Variants in TENM4 observed in about 807,000 individuals in gnomAD.
The protein encoded by TENM4 is teneurin-4.
Under a neutral mutation model 243.3 loss-of-function variants are expected in TENM4, and 82 were observed. The observed-to-expected ratio is 0.34, with a 90% CI of 0.28 to 0.40. TENM4 has a LOEUF of 0.40. Among genes scored for constraint, TENM4 ranks in the 10% least tolerant of loss-of-function variants. The probability of loss-of-function intolerance (pLI) is 1.00; values close to 1 mark genes in which losing one functional copy is unlikely to be tolerated. For synonymous variants in TENM4, 1,412 were observed against 1,456.3 expected, an observed-to-expected ratio of 0.97 and a Z score of 0.69; for missense variants, 3,138 against 3,673.3, an observed-to-expected ratio of 0.85 and a Z score of 3.77.
intron 3 of TENM4, among the ~76,000 whole-genome samples, chr11:79,183,852 TAAC>T (rs1346606961): frequency 6.6e-6 from 1 of 151,972 alleles, no homozygotes; most frequent in African/African-American, 2.4e-5. Flanking sequence ...AAACAGAAAA[TAAC>T]AAGCATTGGC....
intron 6 of TENM4, among the ~76,000 whole-genome samples, chr11:79,029,155 C>G (rs1191107916): frequency 1.3e-5 from 2 of 152,222 alleles, no homozygotes; most frequent in African/African-American, 4.8e-5. Context: ...AGAATACTCT[C>G]ATCGCAGTTT....
At chr11:79,052,635 C>T (rs941148406) in intron 6 of TENM4, among the ~76,000 whole-genome samples, 1 of 151,958 alleles carries the variant, frequency 6.6e-6, no homozygotes, top group South Asian at 2.1e-4. Context: ...GGGGATGTGG[C>T]GAGGGAGGGA....
intron 3 of TENM4, among the ~76,000 whole-genome samples, chr11:79,204,103 G>C (rs189613502): frequency 2.0e-5 from 3 of 152,182 alleles, no homozygotes; most frequent in African/African-American, 4.8e-5. Flanking sequence ...TGGTGCAGGG[G>C]GTGGAGGCAT....
chr11:78,721,862 C>T (rs941048467), intron 24 of TENM4, among the ~76,000 whole-genome samples: 1 of 152,140 alleles, frequency 6.6e-6, no homozygotes, highest in Non-Finnish European at 1.5e-5. Context: ...ATCTCTAAAG[C>T]ACAGCTCTTC....
At chr11:79,370,114 T>C (rs1401534056) in intron 1 of TENM4, among the ~76,000 whole-genome samples, 2 of 152,204 alleles carry the variant, frequency 1.3e-5, no homozygotes, top group African/African-American at 4.8e-5. Context: ...GTAGGAGTGA[T>C]GTGTTCAAGG....
intron 6 of TENM4, among the ~76,000 whole-genome samples, chr11:78,939,441 A>G (rs1274215313): frequency 6.6e-6 from 1 of 152,206 alleles, no homozygotes; most frequent in Non-Finnish European, 1.5e-5. Flanking sequence ...CAATTTCACA[A>G]CAATGTCTTG....
intron 1 of TENM4, among the ~76,000 whole-genome samples, chr11:79,417,447 C>G (rs1413544471): frequency 6.6e-6 from 1 of 152,122 alleles, no homozygotes; most frequent in African/African-American, 2.4e-5. Context: ...AAATACCAAC[C>G]ACAAGAGTGG....
intron 4 of TENM4, among the ~76,000 whole-genome samples, chr11:79,113,677 G>T (rs1312410934): frequency 6.6e-6 from 1 of 152,018 alleles, no homozygotes; most frequent in Non-Finnish European, 1.5e-5. Flanking sequence ...CAACAAAATG[G>T]CAATTCTCAA....
intron 1 of TENM4, among the ~76,000 whole-genome samples, chr11:79,377,874 T>TA (rs147419519): frequency 1.1e-4 from 16 of 151,990 alleles, no homozygotes; most frequent in South Asian, 4.2e-4. Flanking sequence ...AAAATACAAT[T>TA]AAAAAAAATA....
chr11:79,200,874 T>C (rs929370243), intron 3 of TENM4, among the ~76,000 whole-genome samples: 1 of 152,206 alleles, frequency 6.6e-6, no homozygotes, highest in African/African-American at 2.4e-5. Context: ...ACTCATACTC[T>C]GGTTGCCTTA....
Position 78,701,942 on chromosome 11 carries a change from G to A in TENM4, c.4671C>T (p.Asn1557=). 6.2e-7 allele frequency: 1 copy of A among 1,614,004 alleles called. No individual in the cohort carries two copies. The highest frequency in any genetic ancestry group is 8.5e-7 in the Non-Finnish European group (1 of 1,179,906). ...DGELYVADLG[N]IRIRFIRKNK... ...TCTTCCGGATAAACCGAATTCGGAT[G>A]TTCCCAAGGTCGGCCACGTAGAGCT... Residue 1557 remains asparagine, a synonymous_variant, in exon 28 of 34, where the codon AAC becomes AAT. Coordinates refer to ENST00000278550, the MANE Select transcript of TENM4 (RefSeq NM_001098816.3).
At chr11:79,431,330 A>C (rs1242392635) in intron 1 of TENM4, among the ~76,000 whole-genome samples, 1 of 152,224 alleles carries the variant, frequency 6.6e-6, no homozygotes, top group Non-Finnish European at 1.5e-5. Context: ...TTCCGCTGCT[A>C]GGCTTGGCCA....
chr11:78,815,184 G>A (rs1388072337), intron 12 of TENM4, among the ~76,000 whole-genome samples: 2 of 152,156 alleles, frequency 1.3e-5, no homozygotes, highest in African/African-American at 4.8e-5. Flanking sequence ...TCAGAAGTTT[G>A]AGACCAGCCT....
At chr11:79,176,382 C>T (rs1863160372) in intron 3 of TENM4, among the ~76,000 whole-genome samples, 1 of 152,174 alleles carries the variant, frequency 6.6e-6, no homozygotes, top group Non-Finnish European at 1.5e-5. Context: ...CACACTGAAT[C>T]TGTTGCCTGA....
intron 20 of TENM4, among the ~76,000 whole-genome samples, chr11:78,737,845 G>A (rs184610497): frequency 9.9e-5 from 15 of 152,254 alleles, no homozygotes; most frequent in African/African-American, 3.4e-4. Context: ...CGTACTATGC[G>A]CCAGGTGCTT....
At chr11:78,703,548 G>T (rs941640977) in intron 27 of TENM4, among the ~76,000 whole-genome samples, 7 of 152,150 alleles carry the variant, frequency 4.6e-5, no homozygotes, top group African/African-American at 1.7e-4. Flanking sequence ...GCACCCAGGG[G>T]ATTGTAGCTG....
At chr11:78,733,133 A>G (rs1052846997) in intron 20 of TENM4, among the ~76,000 whole-genome samples, 14 of 152,222 alleles carry the variant, frequency 9.2e-5, no homozygotes, top group African/African-American at 3.1e-4. Context: ...GTGATAGATT[A>G]CTCAACAAAG....
chr11:78,863,427 G>T (rs1858876070), intron 9 of TENM4, among the ~76,000 whole-genome samples: 1 of 152,160 alleles, frequency 6.6e-6, no homozygotes, highest in Non-Finnish European at 1.5e-5. Context: ...ATAACAATCT[G>T]GGGGAAAAAC....
intron 20 of TENM4, among the ~76,000 whole-genome samples, chr11:78,734,073 T>C (rs1320818549): frequency 6.6e-6 from 1 of 151,988 alleles, no homozygotes; most frequent in Non-Finnish European, 1.5e-5. Flanking sequence ...GTGCCTGTCA[T>C]CCCAGCTACT....
Sources: gnomAD v4.1 joint callset for allele counts (sites outside exome capture counted in the v4.1 genomes callset) on GRCh38, gnomAD v4.1.1 for gene constraint, MANE v1.5 for transcripts, NCBI Gene and HGNC (gene_info 2026-07-23, HGNC 2026-07-21) for gene names.